Variants in CDYL2 observed in about 807,000 individuals in gnomAD.
The protein encoded by CDYL2 is chromodomain Y-like protein 2.
Under a neutral mutation model 49.4 loss-of-function variants are expected in CDYL2, and 23 were observed. The observed-to-expected ratio is 0.47, with a 90% CI of 0.34 to 0.66. The LOEUF (loss-of-function observed/expected upper bound fraction) is 0.66, where lower values mean the gene tolerates loss of function less well. CDYL2 is among the 30% of genes least tolerant of loss of function. The probability of loss-of-function intolerance (pLI) is 0.01; values close to 1 mark genes in which losing one functional copy is unlikely to be tolerated. For missense variants in CDYL2, 678 were observed against 656.4 expected (o/e 1.03, Z -0.36); for synonymous variants, 360 against 268.8 (o/e 1.34, Z -3.32).
chr16:80,778,359 A>C (rs532086303), intron 1 of CDYL2, among the ~76,000 whole-genome samples: 2 of 152,094 alleles, frequency 1.3e-5, no homozygotes, highest in African/African-American at 4.8e-5. Flanking sequence ...GACAGGTAAG[A>C]TGATATAATT....
intron 1 of CDYL2, among the ~76,000 whole-genome samples, chr16:80,709,481 A>G (rs375072456): frequency 1.3e-5 from 2 of 152,020 alleles, no homozygotes; most frequent in South Asian, 4.2e-4. Context: ...CTTGTGCACA[A>G]TTTCGTCCAT....
chr16:80,728,940 T>A lies in CDYL2; in HGVS notation c.25-43811A>T, dbSNP rs1171303905. Among the ~76,000 whole-genome samples the A allele has an allele frequency of 2.7e-5, 4 of 148,712 alleles. No individual in the cohort carries two copies. The East Asian group carries it at 7.9e-4, about 29-fold the overall frequency. ...ACCACCAGGCCTGCCCTAAAAGAGC[T>A]CCTGAAGGAAGCGCTAAACATGGAA... is the stretch of plus-strand genomic sequence containing the variant. On this transcript the variant is annotated intron_variant, in intron 1 of 6. Coordinates refer to ENST00000570137, the MANE Select transcript of CDYL2 (RefSeq NM_152342.4).
chr16:80,785,699 C>G (rs1907412348), intron 1 of CDYL2, among the ~76,000 whole-genome samples: 1 of 152,138 alleles, frequency 6.6e-6, no homozygotes, highest in Admixed American at 6.5e-5. Context: ...ATCATGCTAC[C>G]TGACTTCAAA....
intron 1 of CDYL2, among the ~76,000 whole-genome samples, chr16:80,733,777 CT>C (rs1490377116): frequency 2.0e-5 from 3 of 152,170 alleles, no homozygotes; most frequent in Non-Finnish European, 4.4e-5. Context: ...CAGTGATTGC[CT>C]TTAACCAGAA....
rs144051626 is a variant in CDYL2 at position 80,666,879 on chromosome 16, C to G, written c.616+17659G>C. The stretch of plus-strand genomic sequence containing the variant: ...CACTCATTCATTTCTTAAGCACCTG[C>G]TAAGTGCCCAGCATTGTTAGGTGTT... On this transcript the variant is annotated intron_variant, in intron 2 of 6. Transcript: ENST00000570137. Among the ~76,000 whole-genome samples, 1,034 of 152,294 alleles carry G rather than the reference C, an allele frequency of 6.8e-3. 15 individuals carry two copies. Among genetic ancestry groups the G allele is most frequent in the African/African-American group, 0.024 (1,005 of 41,568 alleles).
chr16:80,785,552 G>A (rs930598744), intron 1 of CDYL2, among the ~76,000 whole-genome samples: 1 of 152,124 alleles, frequency 6.6e-6, no homozygotes, highest in Non-Finnish European at 1.5e-5. Flanking sequence ...GTAATTTATA[G>A]ATTCAATGCT....
intron 2 of CDYL2, among the ~76,000 whole-genome samples, chr16:80,654,452 T>C (rs965818740): frequency 1.3e-4 from 20 of 152,242 alleles, no homozygotes; most frequent in African/African-American, 4.8e-4. Flanking sequence ...AACACCATTC[T>C]GGTAATATTT....
At chr16:80,758,413 G>T (rs1009982628) in intron 1 of CDYL2, among the ~76,000 whole-genome samples, 3 of 152,098 alleles carry the variant, frequency 2.0e-5, no homozygotes, top group African/African-American at 4.8e-5. Flanking sequence ...AGGGGTTGGG[G>T]AGGTAATTTC....
In CDYL2 at chr16:80,803,757, C is replaced by G. The variant is rs980487564; in HGVS notation, c.24+393G>C. 3.5e-5 allele frequency among the ~76,000 whole-genome samples: 5 copies of G among 143,110 alleles called. No individual in the cohort carries two copies. The East Asian group carries it at 1.0e-3, about 30-fold the overall frequency. The allele number at this position is 143,110 out of a possible 152,430, so 93.9% of individuals were successfully genotyped here. On this transcript the variant is annotated intron_variant, in intron 1 of 6. Transcript: ENST00000570137. ...GGCGCGCCCCCCCGCATTCCCAGCA[C>G]GTCCGGCGCCGACTTTTACCTGTAC...
At chr16:80,736,336 C>T (rs965665064) in intron 1 of CDYL2, 5 of 152,206 alleles carry the variant, frequency 3.3e-5, no homozygotes, top group Admixed American at 2.0e-4. Context: ...TGACTCCTTG[C>T]GTGAGTTTAG....
At chr16:80,798,285 C>T (rs1313378186) in intron 1 of CDYL2, among the ~76,000 whole-genome samples, 4 of 152,188 alleles carry the variant, frequency 2.6e-5, no homozygotes, top group African/African-American at 9.7e-5. Context: ...TCAAGCTATC[C>T]ACCTGCCTTG....
intron 1 of CDYL2, among the ~76,000 whole-genome samples, chr16:80,776,224 T>A (rs1264431902): frequency 6.6e-6 from 1 of 152,028 alleles, no homozygotes; most frequent in Non-Finnish European, 1.5e-5. Context: ...TTTTCAAACA[T>A]CAAACGTGAA....
At chr16:80,802,220 G>C (rs1467695424) in intron 1 of CDYL2, among the ~76,000 whole-genome samples, 1 of 152,082 alleles carries the variant, frequency 6.6e-6, no homozygotes, top group Admixed American at 6.5e-5. Context: ...ACTTTAAATG[G>C]GGAAATACTG....
At chr16:80,782,538 A>C (rs967027143) in intron 1 of CDYL2, among the ~76,000 whole-genome samples, 3 of 150,518 alleles carry the variant, frequency 2.0e-5, no homozygotes, top group Non-Finnish European at 4.4e-5. Flanking sequence ...GAGAAAAAAA[A>C]AAAAAAAAAA....
chr16:80,766,288 A>G (rs548820239), intron 1 of CDYL2, among the ~76,000 whole-genome samples: 1 of 152,188 alleles, frequency 6.6e-6, no homozygotes, highest in Non-Finnish European at 1.5e-5. Context: ...ATTGACAAAA[A>G]AAAAGAGAAG....
At chr16:80,702,707 A>G (rs1904308980) in intron 1 of CDYL2, among the ~76,000 whole-genome samples, 1 of 152,184 alleles carries the variant, frequency 6.6e-6, no homozygotes, top group Non-Finnish European at 1.5e-5. Flanking sequence ...CTATGATCGT[A>G]CCACTGCATT....
intron 1 of CDYL2, among the ~76,000 whole-genome samples, chr16:80,758,790 C>T (rs552916298): frequency 6.6e-6 from 1 of 151,846 alleles, no homozygotes; most frequent in Non-Finnish European, 1.5e-5. Context: ...GATCCGCCCG[C>T]CTCTGCCTCC....
At chr16:80,686,806 C>T (rs1056416561) in intron 1 of CDYL2, among the ~76,000 whole-genome samples, 6 of 152,166 alleles carry the variant, frequency 3.9e-5, no homozygotes, top group African/African-American at 1.4e-4. Flanking sequence ...ATAATACTGC[C>T]TCTTCATAGA....
At position 80,603,869 on chromosome 16, in the gene CDYL2, G is replaced by A. The variant is rs1906207319; in HGVS notation, c.*519C>T. The A allele has an allele frequency of 6.5e-6, 1 of 154,626 alleles. No homozygotes were observed. The highest frequency in any genetic ancestry group is 1.4e-5 in the Non-Finnish European group (1 of 69,320). 9.6% of individuals were successfully genotyped at this position (154,626 alleles called of 1,614,324 possible). ...TGGGTTTTAAGACCAAGCCCTAATA[G>A]TCACACAGATTTGCGTCGGAAAGGA... On this transcript the variant is annotated 3_prime_UTR_variant, in exon 7 of 7. Coordinates refer to ENST00000570137, the MANE Select transcript of CDYL2 (RefSeq NM_152342.4).
Sources: allele counts gnomAD v4.1 joint callset (sites outside exome capture counted in the v4.1 genomes callset), GRCh38; gene constraint gnomAD v4.1.1; transcripts MANE v1.5; gene names NCBI Gene and HGNC (gene_info 2026-07-23, HGNC 2026-07-21).